IFT140: variants seen among roughly 807,000 people sequenced by gnomAD.
The protein encoded by IFT140 is intraflagellar transport protein 140 homolog.
In IFT140, 133 loss-of-function variants were observed where a neutral mutation model predicts 164.6. That is an observed-to-expected ratio of 0.81 (90% CI 0.70 to 0.93). IFT140 has a LOEUF of 0.93. Among genes scored for constraint, IFT140 ranks in the 40% least tolerant of loss-of-function variants. The pLI, the probability that IFT140 is intolerant of heterozygous loss-of-function variation, is 0.00. For missense variants in IFT140, 2,045 were observed against 1,972.3 expected (o/e 1.04, Z -0.70); for synonymous variants, 860 against 817.3 (o/e 1.05, Z -0.89).
intron 19 of IFT140, among the ~76,000 whole-genome samples, chr16:1,535,492 C>T (rs765541112): frequency 5.3e-5 from 8 of 152,222 alleles, no homozygotes; most frequent in Non-Finnish European, 1.0e-4. Flanking sequence ...CGGGGTTGGA[C>T]GCTCCTTCTG....
Position 1,592,303 on chromosome 16 carries a change from C to T in IFT140, c.507G>A (p.Leu169=), listed in dbSNP as rs1177934204. ...LPPPGEDLVQ[L]AKAAVSGDEK... is the part of the protein sequence containing the mutation. ...CATCACCGCTCACAGCTGCCTTTGCCAACTGAACCAGGTCCCTGAAAGCAA... is the reference window on the plus strand; with the variant it reads ...CATCACCGCTCACAGCTGCCTTTGCTAACTGAACCAGGTCCCTGAAAGCAA... The change falls in exon 6 of 31, where the codon TTG becomes TTA. Residue 169 remains leucine, a synonymous_variant. Transcript: ENST00000426508. 6.2e-7 allele frequency: 1 copy of T among 1,614,194 alleles called. No homozygotes were observed. The highest frequency in any genetic ancestry group is 1.1e-5 in the South Asian group (1 of 91,076).
At chr16:1,546,552 G>A (rs2032188518) in intron 19 of IFT140, among the ~76,000 whole-genome samples, 1 of 152,208 alleles carries the variant, frequency 6.6e-6, no homozygotes. Flanking sequence ...AGCCCTGCTG[G>A]GTAACATGCA....
rs377206210 is a variant in IFT140 at position 1,610,654 on chromosome 16, G to A, written c.-32+10C>T. 1.6e-4 allele frequency: 25 copies of A among 152,488 alleles called. No homozygotes were observed. Among genetic ancestry groups the A allele is most frequent in the African/African-American group, 5.0e-4 (21 of 41,594 alleles). 9.4% of individuals were successfully genotyped at this position (152,488 alleles called of 1,614,324 possible). ...CCTGGGTCGGCCGCCCTAGCCCTAAGGCCACTCACCTCTGCCAGGCCGCTG... is the reference window on the plus strand; with the variant it reads ...CCTGGGTCGGCCGCCCTAGCCCTAAAGCCACTCACCTCTGCCAGGCCGCTG... On this transcript the variant is annotated intron_variant, in intron 2 of 30. Transcript: ENST00000426508.
intron 10 of IFT140, 104 bp downstream of exon 10, chr16:1,586,026 C>A (rs1444841855): frequency 1.4e-6 from 2 of 1,388,930 alleles, no homozygotes; most frequent in Non-Finnish European, 1.0e-6. Flanking sequence ...CCGCCTTGGC[C>A]TCCCAAAGTG....
intron 30 of IFT140, among the ~76,000 whole-genome samples, chr16:1,512,679 C>T (rs1013911370): frequency 6.6e-6 from 1 of 152,096 alleles, no homozygotes; most frequent in African/African-American, 2.4e-5. Context: ...GGGCGCGGTG[C>T]TGCACACCAG....
At chr16:1,521,278 C>G (rs2040519140) in intron 26 of IFT140, among the ~76,000 whole-genome samples, 1 of 152,136 alleles carries the variant, frequency 6.6e-6, no homozygotes, top group South Asian at 2.1e-4. Context: ...GTTGCCCAGG[C>G]TGGTCTTGAA....
intron 19 of IFT140, among the ~76,000 whole-genome samples, chr16:1,549,516 C>T (rs1461033343): frequency 2.0e-5 from 3 of 152,226 alleles, no homozygotes; most frequent in African/African-American, 7.2e-5. Flanking sequence ...GCCGCAAGCT[C>T]TGCCTCCCGG....
At chr16:1,534,628 G>T (rs1038269526) in intron 19 of IFT140, 93 of 1,589,942 alleles carry the variant, frequency 5.8e-5, no homozygotes, top group Non-Finnish European at 7.8e-5. Context: ...GTTAGGCGCG[G>T]ACCTGGTGAG....
chr16:1,604,316 T>TGTGTGTGTGTGG (rs1273123812), intron 3 of IFT140: 23 of 127,054 alleles, frequency 1.8e-4, no homozygotes, highest in African/African-American at 7.6e-4. Context: ...TGTGTGTGTG[T>TGTGTGTGTGTGG]GGAGGGGGGA....
intron 20 of IFT140, 101 bp downstream of exon 20, chr16:1,526,518 T>C: frequency 8.1e-7 from 1 of 1,227,224 alleles, no homozygotes; most frequent in Non-Finnish European, 1.1e-6. Context: ...CCCACATCAG[T>C]GCAGGCTCAG....
chr16:1,603,313 C>T (rs899279237), intron 3 of IFT140, among the ~76,000 whole-genome samples: 2 of 152,084 alleles, frequency 1.3e-5, no homozygotes, highest in African/African-American at 4.8e-5. Flanking sequence ...TGTCCAGAGA[C>T]CCCAGGACCC....
At chr16:1,541,406 G>A in intron 19 of IFT140, 7 of 985,406 alleles carry the variant, frequency 7.1e-6, no homozygotes, top group Non-Finnish European at 7.2e-6. Flanking sequence ...CTGGGAGGAG[G>A]GAACACCACC....
chr16:1,594,397 T>A (rs2035345480), intron 4 of IFT140, among the ~76,000 whole-genome samples: 1 of 152,066 alleles, frequency 6.6e-6, no homozygotes, highest in Admixed American at 6.6e-5. Flanking sequence ...ATTTTTGTAT[T>A]TTCTGTACAG....
chr16:1,526,881 G>A, intron 19 of IFT140, 85 bp from the exon 20 acceptor site: 1 of 1,417,832 alleles, frequency 7.1e-7, no homozygotes, highest in Non-Finnish European at 9.4e-7. Flanking sequence ...GGGGCAAGTA[G>A]TCATCAGGCA....
chr16:1,582,762 G>T (rs2034641210), intron 12 of IFT140, among the ~76,000 whole-genome samples: 1 of 152,250 alleles, frequency 6.6e-6, no homozygotes, highest in African/African-American at 2.4e-5. Flanking sequence ...AATTAGCCGG[G>T]TGTGGTGGCA....
chr16:1,579,289 T>C (rs1011676607), intron 13 of IFT140: 2 of 152,124 alleles, frequency 1.3e-5, no homozygotes, highest in African/African-American at 4.8e-5. Flanking sequence ...AGGAGGTTGC[T>C]GATCTTGGTG....
chr16:1,560,464 C>T lies in IFT140; in HGVS notation c.2199+1521G>A, dbSNP rs373624178. Among the ~76,000 whole-genome samples the T allele has an allele frequency of 7.2e-5, 11 of 152,362 alleles. No individual in the cohort carries two copies. In the East Asian group the frequency reaches 7.7e-4, roughly 11 times the overall value. On this transcript the variant is annotated intron_variant, in intron 18 of 30. Coordinates refer to ENST00000426508, the MANE Select transcript of IFT140 (RefSeq NM_014714.4). ...CCAGAGGCCAGCACACACCTGGTCA[C>T]GTCATTGTCACAAGTTAGGCAGTGC...
chr16:1,580,865 G>T lies in IFT140; in HGVS notation c.1433-15C>A. 2 of 1,577,836 alleles carry T rather than the reference G, an allele frequency of 1.3e-6. No individual in the cohort carries two copies. The highest frequency in any genetic ancestry group is 1.1e-5 in the South Asian group (1 of 90,308). On this transcript the variant is annotated splice_polypyrimidine_tract_variant and intron_variant, in intron 12 of 30. Coordinates refer to ENST00000426508, the MANE Select transcript of IFT140 (RefSeq NM_014714.4). ...CAAGAAGGTCCCTAAAATGAAAGAC[G>T]AACATCAGGATGGCGGCCGCTCATC...
chr16:1,556,100 C>T lies in IFT140; in HGVS notation c.2399+1835G>A, dbSNP rs557493174. Among the ~76,000 whole-genome samples the T allele has an allele frequency of 5.9e-5, 9 of 152,256 alleles. No individual in the cohort carries two copies. In the East Asian group the frequency reaches 7.7e-4, roughly 13 times the overall value. Reference sequence around the variant, plus strand: ...CAGCCTGGGTGACAGAGCAAGACTCCGTCTCAAAACAAAAAACAAAAACAA... The same window carrying T: ...CAGCCTGGGTGACAGAGCAAGACTCTGTCTCAAAACAAAAAACAAAAACAA... On this transcript the variant is annotated intron_variant, in intron 19 of 30. Transcript: ENST00000426508.
Sources: allele counts gnomAD v4.1 joint callset (sites outside exome capture counted in the v4.1 genomes callset), GRCh38; gene constraint gnomAD v4.1.1; transcripts MANE v1.5; gene names NCBI Gene and HGNC (gene_info 2026-07-23, HGNC 2026-07-21).